Variants in TRMT1 observed in about 807,000 individuals in gnomAD.
The protein encoded by TRMT1 is tRNA methyltransferase 1, also known as tRNA (guanine(26)-N(2))-dimethyltransferase.
A neutral mutation model predicts 75.4 loss-of-function variants in TRMT1; 63 were observed. The observed-to-expected ratio is 0.84, with a 90% CI of 0.68 to 1.03. TRMT1 has a LOEUF of 1.03. Among genes scored for constraint, TRMT1 ranks in the 50% least tolerant of loss-of-function variants. The pLI, the probability that TRMT1 is intolerant of heterozygous loss-of-function variation, is 0.00. For synonymous variants in TRMT1, 382 were observed against 358.1 expected, an observed-to-expected ratio of 1.07 and a Z score of -0.75; for missense variants, 870 against 905.3, an observed-to-expected ratio of 0.96 and a Z score of 0.50.
At chr19:13,107,186 G>A (rs1197694211) in intron 14 of TRMT1, among the ~76,000 whole-genome samples, 1 of 151,388 alleles carries the variant, frequency 6.6e-6, no homozygotes. Context: ...CCAGGCTGGA[G>A]TGCAATGGCG....
chr19:13,107,671 T>C, intron 13 of TRMT1, 21 bp from the exon 14 acceptor site: 1 of 1,594,818 alleles, frequency 6.3e-7, no homozygotes, highest in Non-Finnish European at 8.6e-7. Flanking sequence ...AGGTCAGAGG[T>C]TAGGGAATAC....
intron 14 of TRMT1, among the ~76,000 whole-genome samples, chr19:13,106,070 T>A (rs375012638): frequency 3.3e-5 from 5 of 149,532 alleles, no homozygotes; most frequent in South Asian, 4.2e-4. Context: ...TAAAAAAAAA[T>A]AAAATAAAGA....
chr19:13,115,492 C>T, intron 4 of TRMT1, 26 bp from the exon 5 acceptor site: 1 of 1,604,982 alleles, frequency 6.2e-7, no homozygotes, highest in South Asian at 1.1e-5. Flanking sequence ...GAAAACCTCC[C>T]TCACATCTCC....
At chr19:13,107,983 T>C in intron 12 of TRMT1, 124 bp from the exon 13 acceptor site, 1 of 607,688 alleles carries the variant, frequency 1.6e-6, no homozygotes, top group Non-Finnish European at 2.8e-6. Context: ...TTCTTTTCTT[T>C]TCTTTTTTTT....
In TRMT1 at chr19:13,116,223, C is replaced by T; in HGVS notation, c.177G>A (p.Glu59=). The change falls in exon 2 of 17, where the codon GAG becomes GAA. Residue 59 remains glutamate (E), a synonymous_variant. Coordinates refer to ENST00000357720, the MANE Select transcript of TRMT1 (RefSeq NM_001136035.4). ...PREVQETTVT[E]GAAKIAFPSA... ...TGGGAAAGGCGATTTTGGCAGCCCC[C>T]TCGGTGACTGTCGTCTCCTGGACTT... 1.2e-6 allele frequency: 2 copies of T among 1,614,206 alleles called. No homozygotes were observed. Among genetic ancestry groups the T allele is most frequent in the South Asian group, 1.1e-5 (1 of 91,088 alleles).
In TRMT1 at chr19:13,105,038, G is replaced by T. The variant is rs747223151; in HGVS notation, c.1877C>A (p.Pro626His). ...ATCAGCAGAAACCCTGGGTGTCGGG[G>T]GGCTGTGGGAGTAGCAGCACTGGTC... ...RGDQCCYSHSPPTPRVSADAA... is the reference protein window; with the variant it reads ...RGDQCCYSHSHPTPRVSADAA... Residue 626 changes from proline to histidine, a missense_variant, in exon 17 of 17, where the codon CCC (proline) becomes CAC (histidine). Coordinates refer to ENST00000357720, the MANE Select transcript of TRMT1 (RefSeq NM_001136035.4). The T allele has an allele frequency of 1.2e-6, 2 of 1,609,544 alleles. No individual in the cohort carries two copies. Among genetic ancestry groups the T allele is most frequent in the South Asian group, 2.2e-5 (2 of 90,676 alleles).
At chr19:13,112,656 A>C in intron 7 of TRMT1, 49 bp downstream of exon 7, 1 of 1,569,910 alleles carries the variant, frequency 6.4e-7, no homozygotes. Context: ...GGACTCAGAC[A>C]ACCACCTGTC....
intron 12 of TRMT1, 134 bp from the exon 13 acceptor site, chr19:13,107,993 T>C (rs1185712795): frequency 5.5e-5 from 31 of 559,002 alleles, no homozygotes; most frequent in African/African-American, 1.7e-4. Context: ...TTCTTTTTTT[T>C]TTTTTTTTTT....
At chr19:13,115,543 C>T (rs2019308786) in intron 4 of TRMT1, 77 bp from the exon 5 acceptor site, 2 of 1,600,234 alleles carry the variant, frequency 1.2e-6, no homozygotes, top group Non-Finnish European at 8.5e-7. Flanking sequence ...CCCCACCACC[C>T]ACCTCCTATA....
At chr19:13,108,912 AT>A (rs74181811) in intron 12 of TRMT1, among the ~76,000 whole-genome samples, 12,664 of 126,052 alleles carry the variant, frequency 0.1, 645 homozygotes, top group Non-Finnish European at 0.12. Flanking sequence ...GCCTGGCCTA[AT>A]TTTTTTTTTT....
chr19:13,105,226 T>A, intron 16 of TRMT1, 41 bp downstream of exon 16: 1 of 1,592,564 alleles, frequency 6.3e-7, no homozygotes, highest in Non-Finnish European at 8.6e-7. Flanking sequence ...AAGGGGAGAC[T>A]CATGTGTCCT....
chr19:13,116,091 G>A (rs936412390), intron 2 of TRMT1, 39 bp from the exon 3 acceptor site: 7 of 1,613,066 alleles, frequency 4.3e-6, no homozygotes, highest in South Asian at 1.1e-5. Context: ...CCCCGCCCCC[G>A]CCATCCACAC....
intron 4 of TRMT1, 36 bp downstream of exon 4, chr19:13,115,590 A>AT (rs759512920): frequency 6.2e-7 from 1 of 1,611,792 alleles, no homozygotes; most frequent in South Asian, 1.1e-5. Flanking sequence ...CTCCCGCTAA[A>AT]TTCCAGGGCT....
At chr19:13,107,985 CTTTTTTTTTTTTT>C (rs71168652) in intron 12 of TRMT1, 126 bp from the exon 13 acceptor site, 13,899 of 332,674 alleles carry the variant, frequency 0.042, 318 homozygotes, top group Middle Eastern at 0.08. Context: ...CTTTTCTTTT[CTTTTTTTTTTTTT>C]TTTTTTTTTT....
At chr19:13,107,896 C>G in intron 12 of TRMT1, 37 bp from the exon 13 acceptor site, 2 of 1,536,236 alleles carry the variant, frequency 1.3e-6, no homozygotes, top group Admixed American at 2.0e-5. Context: ...AGATGCCGGA[C>G]TCCTTGACCC....
chr19:13,109,601 G>A lies in TRMT1; in HGVS notation c.1260C>T (p.Gly420=). 1 of 1,613,990 alleles carries A rather than the reference G, an allele frequency of 6.2e-7. No individual in the cohort carries two copies. The highest frequency in any genetic ancestry group is 8.5e-7 in the Non-Finnish European group (1 of 1,179,986). ...GGATCCGCTCCGAGGTGTGGAAGCG[G>A]CCGGGGTTAGCGCTCACAGCCTCCA... is the stretch of plus-strand genomic sequence containing the variant. ...RVLEAVSANP[G]RFHTSERIRG... Residue 420 remains glycine (G), a synonymous_variant, in exon 11 of 17, where the codon GGC becomes GGT. Transcript: ENST00000357720.
rs1251906614 is a variant in TRMT1, at chr19:13,116,286, C to T, written c.114G>A (p.Glu38=). Residue 38 remains glutamate (E), a synonymous_variant, in exon 2 of 17, where the codon GAG becomes GAA. Coordinates refer to ENST00000357720, the MANE Select transcript of TRMT1 (RefSeq NM_001136035.4). ...CTTCTCCGTAGGGCCCGGTGCCGTT[C>T]TCCATCGCTGCTGTATTCGGCAGCC... is the stretch of plus-strand genomic sequence containing the variant. ...SPGLPNTAAM[E]NGTGPYGEER... 6 of 1,614,158 alleles carry T rather than the reference C, an allele frequency of 3.7e-6. No individual in the cohort carries two copies. Among genetic ancestry groups the T allele is most frequent in the African/African-American group, 1.3e-5 (1 of 75,072 alleles).
intron 5 of TRMT1, 145 bp from the exon 6 acceptor site, chr19:13,113,156 T>C: frequency 8.1e-6 from 4 of 495,898 alleles, no homozygotes; most frequent in South Asian, 8.0e-5. Context: ...CAGTCATTTA[T>C]TTATTTATTT....
Position 13,105,509 on chromosome 19 carries a change from G to C in TRMT1, c.1681C>G (p.Pro561Ala), listed in dbSNP as rs145807038. 4 of 1,613,944 alleles carry C rather than the reference G, an allele frequency of 2.5e-6. No homozygotes were observed. In the African/African-American group the frequency reaches 4.0e-5, roughly 16 times the overall value. The stretch of plus-strand genomic sequence containing the variant: ...CACCCTGGCCGGGCACGAGGCCGGG[G>C]ACCCCAGTTGGCCTCCGGGTTAGCC... ...FQANPEANWG[P>A]RPRARPGGKA... Residue 561 changes from proline (P) to alanine (A), a missense_variant, in exon 15 of 17, where the codon CCC becomes GCC. Coordinates refer to ENST00000357720, the MANE Select transcript of TRMT1 (RefSeq NM_001136035.4).
Sources: allele counts gnomAD v4.1 joint callset (sites outside exome capture counted in the v4.1 genomes callset), GRCh38; gene constraint gnomAD v4.1.1; transcripts MANE v1.5; gene names NCBI Gene and HGNC (gene_info 2026-07-23, HGNC 2026-07-21).